Variants in IFTAP observed in about 807,000 individuals in gnomAD.
IFTAP encodes the protein intraflagellar transport-associated protein.
IFTAP carries 19 observed loss-of-function variants against 19.4 expected under a neutral mutation model. That is an observed-to-expected ratio of 0.98 (90% CI 0.68 to 1.44). IFTAP has a LOEUF of 1.44. Ranked by LOEUF, IFTAP falls within the 40% of genes most tolerant of loss-of-function variation. The pLI, the probability that IFTAP is intolerant of heterozygous loss-of-function variation, is 0.00. For synonymous variants in IFTAP, 85 were observed against 83.5 expected (o/e 1.02, Z -0.10); for missense variants, 240 against 253.6 (o/e 0.95, Z 0.36).
At chr11:36,606,146 A>G (rs545433482) in intron 1 of IFTAP, among the ~76,000 whole-genome samples, 96 of 152,226 alleles carry the variant, frequency 6.3e-4, no homozygotes, top group Non-Finnish European at 1.2e-3. Flanking sequence ...GTGAAACTGC[A>G]TGTTCCAAAA....
chr11:36,632,243 A>G (rs1296136772), intron 2 of IFTAP, among the ~76,000 whole-genome samples: 1 of 151,210 alleles, frequency 6.6e-6, no homozygotes, highest in Non-Finnish European at 1.5e-5. Context: ...AGTGCCACTC[A>G]ATGAATGTTA....
intron 1 of IFTAP, chr11:36,598,273 A>G (rs994485238): frequency 2.6e-5 from 4 of 152,060 alleles, no homozygotes; most frequent in Non-Finnish European, 5.9e-5. Context: ...ATGAACACTG[A>G]TCTAATGGGA....
At chr11:36,619,625 AG>A in intron 2 of IFTAP, among the ~76,000 whole-genome samples, 1 of 152,192 alleles carries the variant, frequency 6.6e-6, no homozygotes, top group South Asian at 2.1e-4. Flanking sequence ...GATAGAGACC[AG>A]AGGGCTTAAC....
intron 2 of IFTAP, among the ~76,000 whole-genome samples, chr11:36,610,460 A>G (rs1402223716): frequency 6.6e-6 from 1 of 152,196 alleles, no homozygotes; most frequent in Non-Finnish European, 1.5e-5. Context: ...TGTCAGAACC[A>G]CAGAATTTGA....
rs114091754 is a variant in IFTAP at position 36,658,100 on chromosome 11, G to A, written c.499-919G>A. Among the ~76,000 whole-genome samples the A allele has an allele frequency of 4.4e-3, 670 of 152,274 alleles. 6 individuals carry two copies. Among genetic ancestry groups the A allele is most frequent in the African/African-American group, 0.015 (631 of 41,568 alleles). On this transcript the variant is annotated intron_variant, in intron 5 of 5. Coordinates refer to ENST00000334307, the MANE Select transcript of IFTAP (RefSeq NM_138787.4). ...ACGAACATTGCATAAGCCACTCAAT[G>A]AGATCATCTTCCATGCAAGAATATT...
At chr11:36,614,822 C>T (rs1852010988) in intron 2 of IFTAP, among the ~76,000 whole-genome samples, 1 of 149,238 alleles carries the variant, frequency 6.7e-6, no homozygotes, top group Admixed American at 6.6e-5. Flanking sequence ...GATATTAGCC[C>T]TTTGTCAGAT....
chr11:36,623,862 C>T (rs1852401829), intron 2 of IFTAP, among the ~76,000 whole-genome samples: 1 of 151,684 alleles, frequency 6.6e-6, no homozygotes, highest in African/African-American at 2.4e-5. Context: ...AAGACTTACG[C>T]AAGAGTAGAA....
intron 4 of IFTAP, among the ~76,000 whole-genome samples, chr11:36,642,465 C>G (rs1252115267): frequency 6.6e-6 from 1 of 152,120 alleles, no homozygotes; most frequent in Non-Finnish European, 1.5e-5. Context: ...TGAAACTATT[C>G]CAATGAATAG....
In IFTAP at chr11:36,603,687, C is replaced by T. The variant is rs540356287; in HGVS notation, c.-23-6394C>T. Among the ~76,000 whole-genome samples, 11 of 152,084 alleles carry T rather than the reference C, an allele frequency of 7.2e-5. No homozygotes were observed. In the South Asian group the frequency reaches 1.9e-3, roughly 26 times the overall value. On this transcript the variant is annotated intron_variant, in intron 1 of 5. Coordinates refer to ENST00000334307, the MANE Select transcript of IFTAP (RefSeq NM_138787.4). ...CTGTAATCCCAGCACTTTGGGAGGC[C>T]GAGGTGGGCGGATCACTTGAGGTTA...
intron 2 of IFTAP, among the ~76,000 whole-genome samples, chr11:36,626,098 A>G (rs914475850): frequency 6.6e-6 from 1 of 150,952 alleles, no homozygotes; most frequent in Admixed American, 6.6e-5. Flanking sequence ...TTATTTGTTG[A>G]TTGATTTTAG....
chr11:36,650,856 T>G lies in IFTAP; in HGVS notation c.498+2701T>G, dbSNP rs1208874736. Reference sequence around the variant, plus strand: ...TTGCTGAGAATGATGGTTTCCAGCTTCATCCATGTCCCTGCAAAGGACATG... The same window carrying G: ...TTGCTGAGAATGATGGTTTCCAGCTGCATCCATGTCCCTGCAAAGGACATG... On this transcript the variant is annotated intron_variant, in intron 5 of 5. Transcript: ENST00000334307. Among the ~76,000 whole-genome samples, 10 of 152,320 alleles carry G rather than the reference T, an allele frequency of 6.6e-5. No homozygotes were observed. In the East Asian group the frequency reaches 1.9e-3, roughly 29 times the overall value.
chr11:36,648,199 T>G, intron 5 of IFTAP, 44 bp downstream of exon 5: 1 of 1,584,724 alleles, frequency 6.3e-7, no homozygotes. Flanking sequence ...TGCCTTGATT[T>G]TGTAATTCAT....
chr11:36,610,238 A>G lies in IFTAP; in HGVS notation c.135A>G (p.Gln45=). The G allele has an allele frequency of 6.2e-7, 1 of 1,603,854 alleles. No homozygotes were observed. The highest frequency in any genetic ancestry group is 8.5e-7 in the Non-Finnish European group (1 of 1,173,200). Residue 45 remains glutamine (Q), a splice_region_variant and synonymous_variant, in exon 2 of 6, where the codon CAA becomes CAG. Transcript: ENST00000334307. ...TGAACACTTTTACTCATCTTTCACA[A>G]GGTAAAATGGAGAAGTAAACTTTCT... The part of the protein sequence containing the change: ...EFLNTFTHLS[Q]EDHVSKRGVF...
At chr11:36,613,971 GGTTA>G (rs1851970112) in intron 2 of IFTAP, among the ~76,000 whole-genome samples, 2 of 151,078 alleles carry the variant, frequency 1.3e-5, no homozygotes, top group Non-Finnish European at 2.9e-5. Flanking sequence ...ACATTGTGCA[GGTTA>G]GTTACATAGG....
chr11:36,644,238 A>G (rs893968318), intron 4 of IFTAP, among the ~76,000 whole-genome samples: 5 of 152,318 alleles, frequency 3.3e-5, no homozygotes, highest in Admixed American at 2.0e-4. Context: ...GCCAACGGGC[A>G]CATGAAAAAA....
intron 2 of IFTAP, among the ~76,000 whole-genome samples, chr11:36,622,202 T>G (rs1429621394): frequency 6.6e-6 from 1 of 151,862 alleles, no homozygotes; most frequent in African/African-American, 2.4e-5. Context: ...ATGCCAATGT[T>G]TGAGTCCTAT....
At chr11:36,638,344 A>T (rs75930076) in intron 4 of IFTAP, among the ~76,000 whole-genome samples, 1 of 152,180 alleles carries the variant, frequency 6.6e-6, no homozygotes, top group Admixed American at 6.5e-5. Context: ...TTTTTCCAGA[A>T]ATCAGATAAC....
chr11:36,621,375 T>C lies in IFTAP; in HGVS notation c.136+11136T>C, dbSNP rs576716707. Among the ~76,000 whole-genome samples, 3 of 152,132 alleles carry C rather than the reference T, an allele frequency of 2.0e-5. No individual in the cohort carries two copies. The East Asian group carries it at 5.8e-4, about 29-fold the overall frequency. ...CTCTTATATGAAAATCAAACCACAA[T>C]CTGTCTAGTATATGATTTTTAGTGT... is the stretch of plus-strand genomic sequence containing the variant. On this transcript the variant is annotated intron_variant, in intron 2 of 5. Coordinates refer to ENST00000334307, the MANE Select transcript of IFTAP (RefSeq NM_138787.4).
At chr11:36,639,673 C>T (rs923020229) in intron 4 of IFTAP, among the ~76,000 whole-genome samples, 2 of 152,024 alleles carry the variant, frequency 1.3e-5, no homozygotes, top group African/African-American at 4.8e-5. Context: ...GAGAACTCAG[C>T]GAAAACTCAC....
Sources: gnomAD v4.1 joint callset for allele counts (sites outside exome capture counted in the v4.1 genomes callset) on GRCh38, gnomAD v4.1.1 for gene constraint, MANE v1.5 for transcripts, NCBI Gene and HGNC (gene_info 2026-07-23, HGNC 2026-07-21) for gene names.